Variants in PDE10A observed in about 807,000 individuals in gnomAD.
PDE10A encodes the protein phosphodiesterase 10A.
A neutral mutation model predicts 97.7 loss-of-function variants in PDE10A; 39 were observed. The observed-to-expected ratio is 0.40, with a 90% CI of 0.31 to 0.52. The LOEUF is 0.52. PDE10A is among the 20% of genes least tolerant of loss of function. PDE10A has a pLI of 0.56. For synonymous variants in PDE10A, 371 were observed against 376.8 expected (o/e 0.98, Z 0.18); for missense variants, 731 against 1,047.8 (o/e 0.70, Z 4.17).
chr6:165,775,186 G>T (rs1778146106), intron 1 of PDE10A: 2 of 152,156 alleles, frequency 1.3e-5, no homozygotes, highest in Non-Finnish European at 2.9e-5. Flanking sequence ...ACATTATCAA[G>T]AAAATAGTCA....
At chr6:165,508,168 C>A (rs1186665994) in intron 2 of PDE10A, among the ~76,000 whole-genome samples, 5 of 152,058 alleles carry the variant, frequency 3.3e-5, no homozygotes, top group African/African-American at 4.8e-5. Flanking sequence ...ACTGACACAA[C>A]TGAAAAAACA....
rs184428716 is a variant in PDE10A at position 165,894,607 on chromosome 6, G to A, written c.-615+92922C>T. ...ACCACAACCCTGTACTACATATCCC[G>A]AGGAAGAGCACATGAAGAAGATAAG... On this transcript the variant is annotated intron_variant, in intron 1 of 19. Transcript: ENST00000366882. 8.2e-4 allele frequency: 367 copies of A among 445,016 alleles called. 3 individuals are homozygous for A. Among genetic ancestry groups the A allele is most frequent in the African/African-American group, 6.6e-3 (331 of 49,796 alleles). 27.6% of individuals were successfully genotyped at this position (445,016 alleles called of 1,614,324 possible). A position where few individuals can be genotyped will look rare whatever the true frequency, so the allele number is the denominator to read the frequency against.
chr6:165,874,516 TA>T (rs1484125962), intron 1 of PDE10A, among the ~76,000 whole-genome samples: 1 of 152,208 alleles, frequency 6.6e-6, no homozygotes, highest in East Asian at 1.9e-4. Flanking sequence ...ATGACATAAC[TA>T]GGTTTGTTTA....
intron 3 of PDE10A, among the ~76,000 whole-genome samples, chr6:165,479,659 T>C (rs1314925897): frequency 6.6e-6 from 1 of 152,190 alleles, no homozygotes; most frequent in Non-Finnish European, 1.5e-5. Context: ...ATAAATTTTC[T>C]GAACTGTTTC....
chr6:165,985,895 C>T (rs933836758), intron 1 of PDE10A, among the ~76,000 whole-genome samples: 2 of 151,014 alleles, frequency 1.3e-5, no homozygotes, highest in African/African-American at 4.9e-5. Context: ...GGGTCTCCAG[C>T]ATTATCTAAT....
intron 18 of PDE10A, among the ~76,000 whole-genome samples, chr6:165,357,616 A>G (rs1783110266): frequency 6.6e-6 from 1 of 152,116 alleles, no homozygotes; most frequent in African/African-American, 2.4e-5. Flanking sequence ...TTCTCAAAAA[A>G]TTTATCCGGT....
In PDE10A at chr6:165,563,618, A is replaced by G. The variant is rs1284054262; in HGVS notation, c.866-20050T>C. Among the ~76,000 whole-genome samples the G allele has an allele frequency of 2.0e-5, 3 of 152,308 alleles. No homozygotes were observed. The East Asian group carries it at 5.8e-4, about 29-fold the overall frequency. The stretch of plus-strand genomic sequence containing the variant: ...AAAAATGGTAGATACAGCTGGGTGC[A>G]GTGGCTCACATCTGTAATCCCAGCA... On this transcript the variant is annotated intron_variant, in intron 1 of 21. Coordinates refer to ENST00000539869, the MANE Select transcript of PDE10A (RefSeq NM_001385079.1).
In PDE10A at chr6:165,400,750, T is replaced by G. The variant is rs1786595582; in HGVS notation, c.2077-4291A>C. Among the ~76,000 whole-genome samples the G allele has an allele frequency of 2.0e-5, 3 of 152,206 alleles. No homozygotes were observed. The South Asian group carries it at 6.2e-4, about 31-fold the overall frequency. ...GAAAGTCTATGGCCACTTAAAGGCTTGTACACAGACCAACTGTTTGTTTGT... is the reference window on the plus strand; with the variant it reads ...GAAAGTCTATGGCCACTTAAAGGCTGGTACACAGACCAACTGTTTGTTTGT... On this transcript the variant is annotated intron_variant, in intron 13 of 21. Coordinates refer to ENST00000539869, the MANE Select transcript of PDE10A (RefSeq NM_001385079.1).
chr6:165,611,191 G>C (rs1787477211), intron 1 of PDE10A, among the ~76,000 whole-genome samples: 1 of 152,098 alleles, frequency 6.6e-6, no homozygotes, highest in African/African-American at 2.4e-5. Flanking sequence ...CCATGAAGGA[G>C]TCACCTGGAC....
At chr6:165,624,349 G>A (rs57124787) in intron 1 of PDE10A, among the ~76,000 whole-genome samples, 4,300 of 152,124 alleles carry the variant, frequency 0.028, 177 homozygotes, top group African/African-American at 0.095. Flanking sequence ...TTTTATCTCG[G>A]TACACTCTTT....
chr6:165,832,137 G>T (rs916119415), intron 1 of PDE10A, among the ~76,000 whole-genome samples: 6 of 151,962 alleles, frequency 3.9e-5, no homozygotes, highest in Admixed American at 2.6e-4. Flanking sequence ...TTTTGTTTTA[G>T]AATATATGTA....
At chr6:165,380,561 T>TA (rs1784869098) in intron 17 of PDE10A, among the ~76,000 whole-genome samples, 1 of 152,226 alleles carries the variant, frequency 6.6e-6, no homozygotes, top group South Asian at 2.1e-4. Flanking sequence ...AGTAAGACCT[T>TA]ACATTTGTAG....
intron 1 of PDE10A, among the ~76,000 whole-genome samples, chr6:165,941,348 G>T (rs1783510998): frequency 6.6e-6 from 1 of 152,106 alleles, no homozygotes; most frequent in Admixed American, 6.5e-5. Context: ...GGCTGTTAAG[G>T]CCTTGTTTTC....
intron 1 of PDE10A, among the ~76,000 whole-genome samples, chr6:165,798,483 C>A (rs990801776): frequency 6.6e-6 from 1 of 152,080 alleles, no homozygotes; most frequent in African/African-American, 2.4e-5. Flanking sequence ...AGACAGAATT[C>A]AAATGTTTTT....
At chr6:165,601,888 C>A (rs7738284) in intron 1 of PDE10A, among the ~76,000 whole-genome samples, 71,415 of 151,864 alleles carry the variant, frequency 0.47, 17,436 homozygotes, top group Middle Eastern at 0.65. Flanking sequence ...AACATCTCAT[C>A]CCACCCTGCC....
chr6:165,366,847 GA>G (rs2128196924), intron 18 of PDE10A, among the ~76,000 whole-genome samples: 1 of 152,326 alleles, frequency 6.6e-6, no homozygotes, highest in Admixed American at 6.5e-5. Flanking sequence ...TAGGATGATT[GA>G]TGAGAAATGC....
chr6:165,357,256 C>A (rs1360871297), intron 18 of PDE10A, among the ~76,000 whole-genome samples: 1 of 152,024 alleles, frequency 6.6e-6, no homozygotes, highest in Non-Finnish European at 1.5e-5. Flanking sequence ...TGTGATTGAA[C>A]ATGTTATATT....
chr6:165,814,233 C>T (rs1390290009), intron 1 of PDE10A, among the ~76,000 whole-genome samples: 4 of 152,088 alleles, frequency 2.6e-5, no homozygotes, highest in African/African-American at 9.7e-5. Flanking sequence ...TGGAAGGAGC[C>T]GTGCAGCAAG....
chr6:165,715,497 A>G (rs1049917975), intron 1 of PDE10A, among the ~76,000 whole-genome samples: 3 of 152,170 alleles, frequency 2.0e-5, no homozygotes, highest in Non-Finnish European at 4.4e-5. Flanking sequence ...GGGTCGGCGA[A>G]AAGACCACAT....
Sources: allele counts gnomAD v4.1 joint callset (sites outside exome capture counted in the v4.1 genomes callset), GRCh38; gene constraint gnomAD v4.1.1; transcripts MANE v1.5; gene names NCBI Gene and HGNC (gene_info 2026-07-23, HGNC 2026-07-21).